TTLL7: variants seen among roughly 807,000 people sequenced by gnomAD.
TTLL7 encodes tubulin polyglutamylase TTLL7.
Under a neutral mutation model 120.2 loss-of-function variants are expected in TTLL7, and 53 were observed. That is an observed-to-expected ratio of 0.44 (90% CI 0.35 to 0.55). The LOEUF (loss-of-function observed/expected upper bound fraction) is 0.55, where lower values mean the gene tolerates loss of function less well. Among genes scored for constraint, TTLL7 ranks in the 20% least tolerant of loss-of-function variants. TTLL7 has a pLI of 0.00. For synonymous variants in TTLL7, 353 were observed against 351.7 expected, an observed-to-expected ratio of 1.00 and a Z score of -0.04; for missense variants, 803 against 1,054.7, an observed-to-expected ratio of 0.76 and a Z score of 3.31.
chr1:83,967,035 T>C (rs1650525807), intron 1 of TTLL7, among the ~76,000 whole-genome samples: 1 of 152,108 alleles, frequency 6.6e-6, no homozygotes, highest in Non-Finnish European at 1.5e-5. Context: ...TTACTTAAAT[T>C]TTCCCTCTTT....
At position 83,921,732 on chromosome 1, in the gene TTLL7, C is replaced by T. The variant is rs112134654; in HGVS notation, c.1143-338G>A. 5.3e-3 allele frequency among the ~76,000 whole-genome samples: 805 copies of T among 152,132 alleles called. 5 individuals are homozygous for T. Among genetic ancestry groups the T allele is most frequent in the Non-Finnish European group, 8.7e-3 (594 of 67,994 alleles). On this transcript the variant is annotated intron_variant, in intron 10 of 20. Coordinates refer to ENST00000260505, the MANE Select transcript of TTLL7 (RefSeq NM_024686.6). The stretch of plus-strand genomic sequence containing the variant: ...CTGCCTAGTTTGGATATAGTTTCCC[C>T]GTCTAAAATGTCAGCAATACTGTTT...
chr1:83,904,245 C>T lies in TTLL7; in HGVS notation c.2128-86G>A. ...TGTGTAATGAAAGCACTATAATATA[C>T]TTGCAACAAATAATGCCAACTTTCA... is the stretch of plus-strand genomic sequence containing the variant. On this transcript the variant is annotated intron_variant, in intron 17 of 20. Coordinates refer to ENST00000260505, the MANE Select transcript of TTLL7 (RefSeq NM_024686.6). The T allele has an allele frequency of 7.3e-6, 7 of 964,426 alleles. No individual in the cohort carries two copies. The South Asian group carries it at 1.0e-4, about 14-fold the overall frequency. 59.7% of individuals were successfully genotyped at this position (964,426 alleles called of 1,614,324 possible). A position where few individuals can be genotyped will look rare whatever the true frequency, so the allele number is the denominator to read the frequency against.
intron 7 of TTLL7, among the ~76,000 whole-genome samples, chr1:83,939,928 C>T (rs1647783487): frequency 6.6e-6 from 1 of 152,120 alleles, no homozygotes; most frequent in Non-Finnish European, 1.5e-5. Flanking sequence ...TTTTTCTAAA[C>T]TTACCTTTTA....
chr1:83,895,523 T>C (rs1394880855), intron 18 of TTLL7, among the ~76,000 whole-genome samples: 1 of 152,084 alleles, frequency 6.6e-6, no homozygotes, highest in Non-Finnish European at 1.5e-5. Flanking sequence ...AATGTAAATA[T>C]TCAAACCAAG....
intron 1 of TTLL7, among the ~76,000 whole-genome samples, chr1:83,968,842 G>T (rs187279626): frequency 6.6e-6 from 1 of 152,110 alleles, no homozygotes. Flanking sequence ...GTCTAGAGAA[G>T]TCTCCCTTCA....
intron 5 of TTLL7, among the ~76,000 whole-genome samples, chr1:83,948,129 AG>A (rs1239106788): frequency 1.3e-5 from 2 of 151,886 alleles, no homozygotes; most frequent in Non-Finnish European, 2.9e-5. Context: ...ACATGTACCT[AG>A]TACAATCCCT....
At chr1:83,997,720 C>G (rs969521324) in intron 1 of TTLL7, among the ~76,000 whole-genome samples, 1 of 152,166 alleles carries the variant, frequency 6.6e-6, no homozygotes, top group Non-Finnish European at 1.5e-5. Context: ...TCGCACACCT[C>G]ATGAACTAAG....
At chr1:83,995,999 G>C (rs1327805360) in intron 1 of TTLL7, among the ~76,000 whole-genome samples, 1 of 151,772 alleles carries the variant, frequency 6.6e-6, no homozygotes, top group East Asian at 1.9e-4. Flanking sequence ...TAAAGTTATA[G>C]AATTTTAAAT....
chr1:83,980,681 T>G (rs2100603271), intron 1 of TTLL7: 1 of 152,202 alleles, frequency 6.6e-6, no homozygotes, highest in Non-Finnish European at 1.5e-5. Flanking sequence ...ATCTGAGATC[T>G]TCAGAAAGGA....
At chr1:83,918,484 T>C (rs148725030) in intron 13 of TTLL7, among the ~76,000 whole-genome samples, 194 of 152,246 alleles carry the variant, frequency 1.3e-3, no homozygotes, top group Non-Finnish European at 2.4e-3. Flanking sequence ...CACTGTGCAG[T>C]AGAAATGTGT....
chr1:83,929,677 G>A (rs1408697113), intron 9 of TTLL7, among the ~76,000 whole-genome samples: 1 of 152,076 alleles, frequency 6.6e-6, no homozygotes, highest in East Asian at 1.9e-4. Flanking sequence ...GAAACTATCA[G>A]TGCTCCCTTT....
intron 1 of TTLL7, among the ~76,000 whole-genome samples, chr1:83,992,099 A>G (rs1653056849): frequency 6.6e-6 from 1 of 152,100 alleles, no homozygotes; most frequent in Non-Finnish European, 1.5e-5. Context: ...TGAAATGTCA[A>G]CCCCATAACA....
At chr1:83,871,213 G>T (rs1388845533) in intron 20 of TTLL7, among the ~76,000 whole-genome samples, 1 of 151,948 alleles carries the variant, frequency 6.6e-6, no homozygotes, top group African/African-American at 2.4e-5. Context: ...ATAGAGACGG[G>T]TTTCACCGTG....
chr1:83,933,419 C>T (rs188190351), intron 9 of TTLL7, among the ~76,000 whole-genome samples, 189 bp downstream of exon 9: 1 of 152,306 alleles, frequency 6.6e-6, no homozygotes, highest in Admixed American at 6.5e-5. Context: ...AAAGTAATAT[C>T]AAACACTGTG....
chr1:83,906,672 T>A, intron 16 of TTLL7: 1 of 600,782 alleles, frequency 1.7e-6, no homozygotes, highest in Non-Finnish European at 2.8e-6. Flanking sequence ...CACAAGGTTA[T>A]ACTTATTTAG....
In TTLL7 at chr1:83,886,331, C is replaced by T. The variant is rs116604047; in HGVS notation, c.2370-3195G>A. Among the ~76,000 whole-genome samples the T allele has an allele frequency of 4.6e-3, 700 of 152,090 alleles. 8 individuals carry two copies. Among genetic ancestry groups the T allele is most frequent in the African/African-American group, 0.016 (677 of 41,518 alleles). ...CCCTAGAATTGGCCCAGGGGTTTTA[C>T]TGGATGCATCAAACAGAAAACACCC... On this transcript the variant is annotated intron_variant, in intron 19 of 20. Coordinates refer to ENST00000260505, the MANE Select transcript of TTLL7 (RefSeq NM_024686.6).
intron 18 of TTLL7, among the ~76,000 whole-genome samples, chr1:83,898,248 G>T (rs907609710): frequency 2.2e-4 from 33 of 151,880 alleles, no homozygotes; most frequent in African/African-American, 7.7e-4. Flanking sequence ...TACCCCATAT[G>T]AAGAATTCTT....
intron 1 of TTLL7, among the ~76,000 whole-genome samples, chr1:83,961,798 C>T (rs1650040971): frequency 6.6e-6 from 1 of 152,094 alleles, no homozygotes; most frequent in Admixed American, 6.6e-5. Flanking sequence ...TATTTGCTCC[C>T]TATGAATAAT....
chr1:83,987,402 T>C (rs1007452426), intron 1 of TTLL7, among the ~76,000 whole-genome samples: 3 of 152,186 alleles, frequency 2.0e-5, no homozygotes, highest in Non-Finnish European at 4.4e-5. Flanking sequence ...ACGTATAGGT[T>C]TAACACAATT....
Sources: allele counts gnomAD v4.1 joint callset (sites outside exome capture counted in the v4.1 genomes callset), GRCh38; gene constraint gnomAD v4.1.1; transcripts MANE v1.5; gene names NCBI Gene and HGNC (gene_info 2026-07-23, HGNC 2026-07-21).